Variants in NEBL observed in about 807,000 individuals in gnomAD.
NEBL encodes LIM and SH3 protein 2.
NEBL carries 122 observed loss-of-function variants against 140.2 expected under a neutral mutation model. The ratio of observed to expected loss-of-function variants is 0.87; its 90% CI spans 0.75 to 1.01. The LOEUF is 1.01. Among genes scored for constraint, NEBL ranks in the 50% least tolerant of loss-of-function variants. The probability of loss-of-function intolerance (pLI) is 0.00; values close to 1 mark genes in which losing one functional copy is unlikely to be tolerated. For missense variants in NEBL, 1,365 were observed against 1,231.3 expected, an observed-to-expected ratio of 1.11 and a Z score of -1.62; for synonymous variants, 436 against 398.9, an observed-to-expected ratio of 1.09 and a Z score of -1.11.
At chr10:21,073,310 GAGA>G (rs1835902045) in intron 2 of NEBL, among the ~76,000 whole-genome samples, 1 of 148,762 alleles carries the variant, frequency 6.7e-6, no homozygotes, top group Non-Finnish European at 1.5e-5. Flanking sequence ...GCAACAGAGT[GAGA>G]CCCTGTCTCA....
At position 20,782,101 on chromosome 10, in the gene NEBL, A is replaced by G. The variant is rs1427516774; in HGVS notation, c.*3646T>C. 6.6e-6 allele frequency: 1 copy of G among 152,606 alleles called. No individual in the cohort carries two copies. Among genetic ancestry groups the G allele is most frequent in the African/African-American group, 2.4e-5 (1 of 41,450 alleles). 9.5% of individuals were successfully genotyped at this position (152,606 alleles called of 1,614,324 possible). On this transcript the variant is annotated 3_prime_UTR_variant, in exon 28 of 28. Transcript: ENST00000377122. Reference sequence around the variant, plus strand: ...TCAGAAATAGATGGAAGAAGTCGGCATTTTCTAAAGTTCTAAATCTTTAGA... The same window carrying G: ...TCAGAAATAGATGGAAGAAGTCGGCGTTTTCTAAAGTTCTAAATCTTTAGA...
chr10:21,085,113 C>A (rs931306373), intron 2 of NEBL, among the ~76,000 whole-genome samples: 4 of 152,162 alleles, frequency 2.6e-5, no homozygotes, highest in Admixed American at 2.6e-4. Context: ...AACCTACCAG[C>A]GATTTTGAAA....
chr10:21,267,486 C>T (rs1248575971), intron 1 of NEBL, among the ~76,000 whole-genome samples: 1 of 152,228 alleles, frequency 6.6e-6, no homozygotes, highest in Non-Finnish European at 1.5e-5. Flanking sequence ...TTCCCACCCT[C>T]GTTGTGGAGA....
chr10:20,829,086 T>C (rs955892303), intron 16 of NEBL, among the ~76,000 whole-genome samples: 2 of 152,132 alleles, frequency 1.3e-5, no homozygotes, highest in Non-Finnish European at 2.9e-5. Flanking sequence ...GACAAGCAGA[T>C]ACTATTATTA....
intron 2 of NEBL, among the ~76,000 whole-genome samples, chr10:21,126,649 G>A (rs959412478): frequency 4.6e-5 from 7 of 152,212 alleles, no homozygotes; most frequent in African/African-American, 1.7e-4. Context: ...CAGATTAAGA[G>A]TGTCAAAGAG....
chr10:20,826,699 A>T (rs1334756642), intron 17 of NEBL, among the ~76,000 whole-genome samples, 160 bp from the exon 18 acceptor site: 4 of 152,218 alleles, frequency 2.6e-5, no homozygotes, highest in Admixed American at 2.6e-4. Context: ...ATCCATTCAG[A>T]TAATCCATGA....
Position 21,275,807 on chromosome 10 carries a change from ATTTTTT to A in NEBL, n.182+17017_182+17022del, listed in dbSNP as rs959684198. On this transcript the variant is annotated intron_variant and non_coding_transcript_variant, in intron 1 of 8. Coordinates refer to the NEBL transcript ENST00000675702. Reference sequence around the variant, plus strand: ...AGGCAAGTGCCACCACACCCAGCTAATTTTTTTTTTTTTTTTTTTTTTGTATTTTTA... The same window carrying A: ...AGGCAAGTGCCACCACACCCAGCTAATTTTTTTTTTTTTTTTGTATTTTTA... 1.7e-3 allele frequency among the ~76,000 whole-genome samples: 195 copies of A among 113,774 alleles called. 2 individuals are homozygous for A. The highest frequency in any genetic ancestry group is 6.1e-3 in the African/African-American group (174 of 28,592). 74.6% of individuals were successfully genotyped at this position (113,774 alleles called of 152,430 possible).
At chr10:21,052,863 T>C (rs1383854469) in intron 2 of NEBL, among the ~76,000 whole-genome samples, 1 of 152,192 alleles carries the variant, frequency 6.6e-6, no homozygotes, top group Non-Finnish European at 1.5e-5. Context: ...GTCCTACTGA[T>C]GACTCCACTA....
chr10:20,810,108 T>G (rs1169628877), intron 24 of NEBL, among the ~76,000 whole-genome samples: 1 of 152,146 alleles, frequency 6.6e-6, no homozygotes, highest in African/African-American at 2.4e-5. Flanking sequence ...TTAAGAAATC[T>G]TTGTAATCAG....
intron 2 of NEBL, among the ~76,000 whole-genome samples, chr10:21,079,141 TCG>T (rs972091894): frequency 4.6e-5 from 7 of 152,300 alleles, no homozygotes; most frequent in Admixed American, 2.0e-4. Flanking sequence ...CCTCTCTCTC[TCG>T]GAAACCTTCT....
intron 3 of NEBL, among the ~76,000 whole-genome samples, chr10:21,186,302 T>TC (rs577304991): frequency 3.0e-5 from 3 of 100,146 alleles, no homozygotes; most frequent in East Asian, 2.7e-4. Context: ...ACACACACAT[T>TC]CCCCCCCACC....
intron 2 of NEBL, among the ~76,000 whole-genome samples, chr10:21,141,871 C>G (rs1207349958): frequency 6.6e-6 from 1 of 152,172 alleles, no homozygotes; most frequent in Non-Finnish European, 1.5e-5. Context: ...CAAGGTTCTA[C>G]CCATAGGGTG....
intron 3 of NEBL, among the ~76,000 whole-genome samples, chr10:21,007,753 G>T (rs1047559612): frequency 1.3e-5 from 2 of 152,160 alleles, no homozygotes; most frequent in Admixed American, 6.5e-5. Context: ...AACAGGTAAA[G>T]CCTCTTGAAT....
intron 2 of NEBL, among the ~76,000 whole-genome samples, chr10:21,156,727 A>T (rs1840350952): frequency 6.6e-6 from 1 of 152,226 alleles, no homozygotes; most frequent in Non-Finnish European, 1.5e-5. Flanking sequence ...GTTTTAAGAA[A>T]GTGAAGCTAT....
At chr10:21,084,358 A>AC (rs1812427759) in intron 2 of NEBL, among the ~76,000 whole-genome samples, 1 of 152,304 alleles carries the variant, frequency 6.6e-6, no homozygotes, top group South Asian at 2.1e-4. Flanking sequence ...AAGAGTCTAT[A>AC]GTTTGTTTCT....
At chr10:21,131,722 T>G (rs1457734840) in intron 2 of NEBL, among the ~76,000 whole-genome samples, 2 of 123,916 alleles carry the variant, frequency 1.6e-5, no homozygotes, top group African/African-American at 5.8e-5. Flanking sequence ...GCATCTTTTT[T>G]CTCCCCGCTG....
chr10:21,222,138 G>A (rs907346632), intron 3 of NEBL, among the ~76,000 whole-genome samples: 4 of 151,988 alleles, frequency 2.6e-5, no homozygotes, highest in Non-Finnish European at 5.9e-5. Context: ...AAATGAAGAG[G>A]TGCTTTCAAA....
chr10:21,106,215 G>A (rs1837711150), intron 2 of NEBL, among the ~76,000 whole-genome samples: 1 of 152,174 alleles, frequency 6.6e-6, no homozygotes, highest in East Asian at 1.9e-4. Context: ...GTCTATTTTG[G>A]CTTTTGTTGC....
At chr10:20,841,217 G>A (rs1252022214) in intron 12 of NEBL, among the ~76,000 whole-genome samples, 2 of 152,000 alleles carry the variant, frequency 1.3e-5, no homozygotes, top group East Asian at 1.9e-4. Flanking sequence ...TACCAAAAAA[G>A]AACATGGTTG....
Sources: allele counts gnomAD v4.1 joint callset (sites outside exome capture counted in the v4.1 genomes callset), GRCh38; gene constraint gnomAD v4.1.1; transcripts MANE v1.5; gene names NCBI Gene and HGNC (gene_info 2026-07-23, HGNC 2026-07-21).